Variants in SLC25A45 observed in about 807,000 individuals in gnomAD.
SLC25A45 encodes the protein methylated amino-acid transporter SLC25A45.
Under a neutral mutation model 23.0 loss-of-function variants are expected in SLC25A45, and 22 were observed. The observed-to-expected ratio is 0.95, with a 90% CI of 0.68 to 1.36. The LOEUF (loss-of-function observed/expected upper bound fraction) is 1.36, where lower values mean the gene tolerates loss of function less well. Ranked by LOEUF, SLC25A45 falls within the 40% of genes most tolerant of loss-of-function variation. The probability of loss-of-function intolerance (pLI) is 0.00; values close to 1 mark genes in which losing one functional copy is unlikely to be tolerated. For synonymous variants in SLC25A45, 136 were observed against 155.0 expected, an observed-to-expected ratio of 0.88 and a Z score of 0.91; for missense variants, 355 against 383.5, an observed-to-expected ratio of 0.93 and a Z score of 0.62.
chr11:65,380,375 G>C (rs1252645755), intron 2 of SLC25A45, 200 bp from the exon 3 acceptor site: 2 of 926,908 alleles, frequency 2.2e-6, no homozygotes, highest in Non-Finnish European at 1.6e-6. Flanking sequence ...GGCCAGGAAG[G>C]CACTGGGACA....
intron 5 of SLC25A45, chr11:65,377,429 C>T (rs534523868): frequency 9.1e-5 from 99 of 1,093,890 alleles, no homozygotes; most frequent in East Asian, 8.9e-4. Context: ...CATACCTGTA[C>T]GGTGGGCAGG....
chr11:65,382,098 G>A lies in SLC25A45; in HGVS notation c.-18-129C>T. 1 of 722,324 alleles carries A rather than the reference G, an allele frequency of 1.4e-6. No individual in the cohort carries two copies. The allele number at this position is 722,324 out of a possible 1,614,324, so 44.7% of individuals were successfully genotyped here. A position where few individuals can be genotyped will look rare whatever the true frequency, so the allele number is the denominator to read the frequency against. On this transcript the variant is annotated intron_variant, in intron 1 of 6. Coordinates refer to ENST00000398802, the MANE Select transcript of SLC25A45 (RefSeq NM_182556.4). The surrounding 1 kb of genome is among the most constrained non-coding windows in gnomAD (Gnocchi z 4.4). The stretch of plus-strand genomic sequence containing the variant: ...AATTGGCCTGGTGCCCAGACCTCCG[G>A]CAACTGGCAGAGGAGAGCGAGCCAG...
chr11:65,380,449 C>A, intron 2 of SLC25A45: 1 of 1,121,830 alleles, frequency 8.9e-7, no homozygotes. Context: ...CAGCCAAAGA[C>A]GTACGTGTCC....
At chr11:65,380,425 C>T (rs1855487438) in intron 2 of SLC25A45, 1 of 1,012,566 alleles carries the variant, frequency 9.9e-7, no homozygotes, top group Non-Finnish European at 1.4e-6. Flanking sequence ...GATGCACACC[C>T]AAGAGGGAAG....
At position 65,382,165 on chromosome 11, in the gene SLC25A45, A is replaced by G. The variant is rs567836326; in HGVS notation, c.-18-196T>C. ...CACCTGGAGGAGTCGTGCAGAGTAC[A>G]GTCTCACGGGCCAGGCGTGCCGGGA... On this transcript the variant is annotated intron_variant, in intron 1 of 6. Coordinates refer to ENST00000398802, the MANE Select transcript of SLC25A45 (RefSeq NM_182556.4). The surrounding 1 kb of genome is among the most constrained non-coding windows in gnomAD (Gnocchi z 4.4). 3,395 of 596,906 alleles carry G rather than the reference A, an allele frequency of 5.7e-3. 17 individuals are homozygous for G. Among genetic ancestry groups the G allele is most frequent in the Non-Finnish European group, 7.2e-3 (2,393 of 331,216 alleles). The allele number at this position is 596,906 out of a possible 1,614,324, so 37.0% of individuals were successfully genotyped here.
rs925067990 is a variant in SLC25A45, at chr11:65,378,420, G to T, written c.339+956C>A. 1.4e-4 allele frequency: 22 copies of T among 152,318 alleles called. 1 individual carries two copies. Among genetic ancestry groups the T allele is most frequent in the Admixed American group, 1.4e-3 (21 of 15,294 alleles). 9.4% of individuals were successfully genotyped at this position (152,318 alleles called of 1,614,324 possible). The stretch of plus-strand genomic sequence containing the variant: ...AGCGGCCCTCACAGTCCCCACTTCT[G>T]CTTTCCAAAGAGCTGGGGGGGCAGG... On this transcript the variant is annotated intron_variant, in intron 5 of 6. Transcript: ENST00000398802.
rs1855203579 is a variant in SLC25A45, at chr11:65,376,655, C to T, written c.619G>A (p.Ala207Thr). ...GAAGCAATGCCTGCAAAGCCCCCTGCCACCAGCACCGTGGCTGAGCCTGGG... is the reference window on the plus strand; with the variant it reads ...GAAGCAATGCCTGCAAAGCCCCCTGTCACCAGCACCGTGGCTGAGCCTGGG... ...QNPSSATVLV[A>T]GGFAGIASWV... Residue 207 changes from alanine (A) to threonine (T), a missense_variant, in exon 7 of 7, where the codon GCA becomes ACA. Transcript: ENST00000398802. 6.2e-7 allele frequency: 1 copy of T among 1,613,784 alleles called. No homozygotes were observed. Among genetic ancestry groups the T allele is most frequent in the African/African-American group, 1.3e-5 (1 of 74,910 alleles).
rs370673947 is a variant in SLC25A45 at position 65,380,221 on chromosome 11, C to T, written c.38-46G>A. 6.3e-5 allele frequency: 101 copies of T among 1,613,774 alleles called. No homozygotes were observed. In the African/African-American group the frequency reaches 1.2e-3, roughly 20 times the overall value. ...TATGAGTGAGGGCCCTCGTGCCAGG[C>T]CCAGGAAGCAAGTCTGTGCCAAGAG... On this transcript the variant is annotated intron_variant, in intron 2 of 6. Coordinates refer to ENST00000398802, the MANE Select transcript of SLC25A45 (RefSeq NM_182556.4).
At chr11:65,379,978 C>T (rs772492693) in intron 3 of SLC25A45, 40 bp from the exon 4 acceptor site, 1 of 1,611,884 alleles carries the variant, frequency 6.2e-7, no homozygotes, top group Non-Finnish European at 8.5e-7. Context: ...GCGGGATGGG[C>T]AGGTGGGCCA....
intron 2 of SLC25A45, chr11:65,380,711 C>G: frequency 1.3e-6 from 1 of 777,230 alleles, no homozygotes; most frequent in Non-Finnish European, 1.8e-6. Context: ...GCCCTGCCCT[C>G]CACAGCAGAG....
At chr11:65,377,518 G>C in intron 5 of SLC25A45, 2 of 667,130 alleles carry the variant, frequency 3.0e-6, no homozygotes, top group Non-Finnish European at 3.7e-6. Context: ...GTCCCCTCGT[G>C]AGTGCTGTTC....
rs765001280 is a variant in SLC25A45, at chr11:65,376,988, C to A, written c.428G>T (p.Arg143Leu). Residue 143 changes from arginine to leucine, a missense_variant, in exon 6 of 7, where the codon CGG (arginine) becomes CTG (leucine). Arg to Leu is a moderately radical substitution (Grantham distance 102). Coordinates refer to ENST00000398802, the MANE Select transcript of SLC25A45 (RefSeq NM_182556.4). ...TGCACAGTGCACGGGCCCCTGGTAC[C>A]GGGGTGGGGGGCTCCCTGGCTGGGC... ...PRAQPGSPPP[R>L]YQGPVHCAAS... is the part of the protein sequence containing the mutation. 4.3e-6 allele frequency: 7 copies of A among 1,613,424 alleles called. No homozygotes were observed. The highest frequency in any genetic ancestry group is 5.9e-6 in the Non-Finnish European group (7 of 1,179,644).
chr11:65,382,354 A>C lies in SLC25A45; in HGVS notation c.-19+132T>G. 1 of 233,754 alleles carries C rather than the reference A, an allele frequency of 4.3e-6. No homozygotes were observed. The highest frequency in any genetic ancestry group is 8.8e-6 in the Non-Finnish European group (1 of 113,442). 14.5% of individuals were successfully genotyped at this position (233,754 alleles called of 1,614,324 possible). A position where few individuals can be genotyped will look rare whatever the true frequency, so the allele number is the denominator to read the frequency against. ...GCTCCACTCCCATTCATCTCCACCA[A>C]GGGGCATGGCCGCCCCCATGCCACA... On this transcript the variant is annotated intron_variant, in intron 1 of 6. Transcript: ENST00000398802. The surrounding 1 kb of genome is among the most constrained non-coding windows in gnomAD (Gnocchi z 4.4).
In SLC25A45 at chr11:65,376,887, T is replaced by C; in HGVS notation, c.529A>G (p.Thr177Ala). 1 of 1,614,176 alleles carries C rather than the reference T, an allele frequency of 6.2e-7. No homozygotes were observed. Among genetic ancestry groups the C allele is most frequent in the Non-Finnish European group, 8.5e-7 (1 of 1,180,006 alleles). The change falls in exon 6 of 7, where the codon ACG becomes GCG. Residue 177 changes from threonine to alanine, a missense_variant. Thr to Ala is a moderately conservative substitution (Grantham distance 58, BLOSUM62 0). Coordinates refer to ENST00000398802, the MANE Select transcript of SLC25A45 (RefSeq NM_182556.4). ...AWALTLRDTP[T>A]VGIYFITYEG... is the part of the protein sequence containing the mutation. ...TAGGTGATGAAGTAGATCCCCACCG[T>C]GGGGGTGTCCCTCAGCGTCAGGGCC...
At position 65,379,497 on chromosome 11, in the gene SLC25A45, A is replaced by G. The variant is rs770995033; in HGVS notation, c.218T>C (p.Leu73Pro). Reference protein sequence around the residue: ...IASIAVVNSVLFGVYSNTLLV... With the variant: ...IASIAVVNSVPFGVYSNTLLV... ...CAGGGTGTTGCTATAGACCCCAAAC[A>G]GGACAGAGTTGACCACAGCTATGCT... Residue 73 changes from leucine (L) to proline (P), a missense_variant, in exon 5 of 7, where the codon CTG (leucine) becomes CCG (proline). By Grantham distance (98) the Leu-to-Pro change is moderately conservative. Coordinates refer to ENST00000398802, the MANE Select transcript of SLC25A45 (RefSeq NM_182556.4). The G allele has an allele frequency of 1.2e-6, 2 of 1,614,060 alleles. No homozygotes were observed. The highest frequency in any genetic ancestry group is 1.7e-6 in the Non-Finnish European group (2 of 1,179,928).
At chr11:65,380,252 AGG>A (rs1361095413) in intron 2 of SLC25A45, 77 bp from the exon 3 acceptor site, 64 of 1,607,588 alleles carry the variant, frequency 4.0e-5, no homozygotes, top group Non-Finnish European at 6.8e-6. Flanking sequence ...AAGAGGAAAG[AGG>A]GGTTCAGGCA....
At position 65,376,605 on chromosome 11, in the gene SLC25A45, G is replaced by A. The variant is rs17857132; in HGVS notation, c.669C>T (p.Asp223=). 38 of 1,614,064 alleles carry A rather than the reference G, an allele frequency of 2.4e-5. No individual in the cohort carries two copies. The highest frequency in any genetic ancestry group is 6.7e-5 in the African/African-American group (5 of 75,022). The change falls in exon 7 of 7, where the codon GAC becomes GAT. Residue 223 remains aspartate (D), a synonymous_variant. Coordinates refer to ENST00000398802, the MANE Select transcript of SLC25A45 (RefSeq NM_182556.4). ...CCATCTGCATCCGGGACTTGATCAT[G>A]TCTAAGGGCGTGGCTGCCACCCAGG... The part of the protein sequence containing the change: ...IASWVAATPL[D]MIKSRMQMDG...
rs766106260 is a variant in SLC25A45 at position 65,379,376 on chromosome 11, C to G, written c.339G>C (p.Gln113His). 6.2e-7 allele frequency: 1 copy of G among 1,608,288 alleles called. No individual in the cohort carries two copies. Among genetic ancestry groups the G allele is most frequent in the Non-Finnish European group, 8.5e-7 (1 of 1,179,848 alleles). ...FLAGCTGGFL[Q>H]AYCLAPFDLI... Reference sequence around the variant, plus strand: ...GTGTGCCCACTCACTGCCCCCTCACCTGCAGGAACCCCCCGGTGCAGCCCG... The same window carrying G: ...GTGTGCCCACTCACTGCCCCCTCACGTGCAGGAACCCCCCGGTGCAGCCCG... Residue 113 changes from glutamine to histidine, a missense_variant and splice_region_variant, in exon 5 of 7, where the codon CAG becomes CAC. By Grantham distance (24) the Gln-to-His change is conservative. Transcript: ENST00000398802.
Position 65,377,035 on chromosome 11 carries a change from T to C in SLC25A45, c.381A>G (p.Leu127=), listed in dbSNP as rs772110045. The change falls in exon 6 of 7, where the codon CTA becomes CTG. Residue 127 remains leucine (L), a synonymous_variant. Transcript: ENST00000398802. ...LAPFDLIKVR[L]QNQTEPRAQP... is the part of the protein sequence containing the mutation. ...GGGCCCTTGGCTCTGTCTGGTTTTG[T>C]AGCCGGACTTTGATGAGGTCAAAAG... is the stretch of plus-strand genomic sequence containing the variant. 1 of 1,614,050 alleles carries C rather than the reference T, an allele frequency of 6.2e-7. No individual in the cohort carries two copies. Among genetic ancestry groups the C allele is most frequent in the Non-Finnish European group, 8.5e-7 (1 of 1,179,952 alleles).
Sources: gnomAD v4.1 joint callset for allele counts on GRCh38, gnomAD v4.1.1 for gene constraint, Gnocchi (gnomAD v3.1) non-coding constraint, MANE v1.5 for transcripts, NCBI Gene and HGNC (gene_info 2026-07-23, HGNC 2026-07-21) for gene names.